WDR70: variants seen among roughly 807,000 people sequenced by gnomAD.
WDR70 encodes the protein WD repeat domain 70, also known as WD repeat-containing protein 70.
Under a neutral mutation model 88.6 loss-of-function variants are expected in WDR70, and 53 were observed. That is an observed-to-expected ratio of 0.60 (90% CI 0.48 to 0.75). The LOEUF is 0.75. WDR70 is among the 30% of genes least tolerant of loss of function. WDR70 has a pLI of 0.00. For synonymous variants in WDR70, 280 were observed against 270.0 expected (o/e 1.04, Z -0.36); for missense variants, 610 against 823.2 (o/e 0.74, Z 3.17).
chr5:37,673,675 A>G (rs1746103175), intron 10 of WDR70, among the ~76,000 whole-genome samples: 1 of 136,520 alleles, frequency 7.3e-6, no homozygotes, highest in African/African-American at 2.8e-5. Flanking sequence ...ATAGGTAAAT[A>G]TGTGCCATGG....
chr5:37,606,052 A>G (rs1660610375), intron 10 of WDR70, among the ~76,000 whole-genome samples: 1 of 152,202 alleles, frequency 6.6e-6, no homozygotes. Flanking sequence ...CTAGGCACTG[A>G]TAATACTTAT....
At chr5:37,543,994 A>G (rs533835971) in intron 9 of WDR70, among the ~76,000 whole-genome samples, 3 of 152,032 alleles carry the variant, frequency 2.0e-5, no homozygotes, top group South Asian at 4.2e-4. Context: ...CTGGTCTCGA[A>G]CTCCTGACGT....
intron 9 of WDR70, among the ~76,000 whole-genome samples, chr5:37,518,739 G>T (rs1561884621): frequency 6.6e-6 from 1 of 150,870 alleles, no homozygotes; most frequent in Non-Finnish European, 1.5e-5. Context: ...TCGGAGAGGG[G>T]GATGTGGCAG....
chr5:37,735,322 G>C (rs1378847856), intron 17 of WDR70, among the ~76,000 whole-genome samples: 1 of 152,134 alleles, frequency 6.6e-6, no homozygotes, highest in Non-Finnish European at 1.5e-5. Context: ...GTTTACAAAT[G>C]AATTCGTGCT....
intron 10 of WDR70, among the ~76,000 whole-genome samples, chr5:37,635,771 C>T (rs953012242): frequency 2.0e-5 from 3 of 152,132 alleles, no homozygotes; most frequent in African/African-American, 7.2e-5. Flanking sequence ...TTGGCTGTGT[C>T]CCCACCCAAA....
intron 9 of WDR70, among the ~76,000 whole-genome samples, chr5:37,534,016 G>A (rs1295632920): frequency 6.6e-6 from 1 of 152,110 alleles, no homozygotes; most frequent in Admixed American, 6.5e-5. Context: ...TACCTCAAAG[G>A]GTCTATGGAT....
chr5:37,572,936 A>C lies in WDR70; in HGVS notation c.918-32128A>C, dbSNP rs537133293. Among the ~76,000 whole-genome samples, 13 of 152,226 alleles carry C rather than the reference A, an allele frequency of 8.5e-5. No individual in the cohort carries two copies. The South Asian group carries it at 2.7e-3, about 32-fold the overall frequency. ...TAACTCTTTTTAATTCATCACAGCA[A>C]CTGATTTTCTTGTCCTCCAATAATT... On this transcript the variant is annotated intron_variant, in intron 9 of 17. Coordinates refer to ENST00000265107, the MANE Select transcript of WDR70 (RefSeq NM_018034.4).
intron 3 of WDR70, among the ~76,000 whole-genome samples, chr5:37,390,371 A>G (rs1040959824): frequency 5.0e-4 from 71 of 142,048 alleles, no homozygotes; most frequent in African/African-American, 1.8e-3. Flanking sequence ...ACCGAGTCTC[A>G]CTCAGTCGCC....
chr5:37,636,048 A>G (rs926664101), intron 10 of WDR70, among the ~76,000 whole-genome samples: 2 of 152,186 alleles, frequency 1.3e-5, no homozygotes, highest in Non-Finnish European at 2.9e-5. Context: ...CTGTAAGTCA[A>G]TTAAACCTCT....
At chr5:37,649,054 T>C (rs1395304693) in intron 10 of WDR70, among the ~76,000 whole-genome samples, 1 of 152,214 alleles carries the variant, frequency 6.6e-6, no homozygotes, top group African/African-American at 2.4e-5. Context: ...TGCCCAACTT[T>C]GTAAAATCAA....
Position 37,482,343 on chromosome 5 carries a change from G to C in WDR70, c.840+2356G>C, listed in dbSNP as rs567742180. Among the ~76,000 whole-genome samples the C allele has an allele frequency of 2.9e-3, 440 of 152,246 alleles. 3 individuals are homozygous for C. Among genetic ancestry groups the C allele is most frequent in the Non-Finnish European group, 4.9e-3 (335 of 68,016 alleles). The stretch of plus-strand genomic sequence containing the variant: ...GGGTAATTTATAAAGGAAAGAGGTT[G>C]AATTGACTCACAGTTCTGCATGGCT... On this transcript the variant is annotated intron_variant, in intron 8 of 17. Transcript: ENST00000265107.
intron 17 of WDR70, among the ~76,000 whole-genome samples, chr5:37,729,119 T>C (rs1181112868): frequency 6.6e-6 from 1 of 152,152 alleles, no homozygotes; most frequent in African/African-American, 2.4e-5. Flanking sequence ...CTCAAGCGCC[T>C]ATATATTTTT....
Position 37,422,956 on chromosome 5 carries a change from C to T in WDR70, c.493-14966C>T, listed in dbSNP as rs76735836. ...TGTGAAAACTTTCTTAAACAAAATG[C>T]GGGAATGTTGTGAAAAGTTTTTGAT... On this transcript the variant is annotated intron_variant, in intron 5 of 17. Transcript: ENST00000265107. 1.4e-3 allele frequency among the ~76,000 whole-genome samples: 207 copies of T among 152,068 alleles called. 1 individual carries two copies. Among genetic ancestry groups the T allele is most frequent in the African/African-American group, 4.7e-3 (194 of 41,482 alleles).
chr5:37,628,847 G>C (rs1422722709), intron 10 of WDR70, among the ~76,000 whole-genome samples: 1 of 151,982 alleles, frequency 6.6e-6, no homozygotes, highest in Non-Finnish European at 1.5e-5. Flanking sequence ...TCTTACTTTT[G>C]TATCAGCTCT....
intron 10 of WDR70, among the ~76,000 whole-genome samples, chr5:37,679,349 C>G (rs1350775572): frequency 6.6e-6 from 1 of 151,104 alleles, no homozygotes; most frequent in African/African-American, 2.4e-5. Context: ...TGTTTTTTCC[C>G]CATCTTTATG....
chr5:37,583,214 G>A (rs1743269397), intron 9 of WDR70, among the ~76,000 whole-genome samples: 1 of 152,064 alleles, frequency 6.6e-6, no homozygotes, highest in Non-Finnish European at 1.5e-5. Context: ...ATCACGAGGT[G>A]AGGAGACTGA....
At chr5:37,521,809 A>T (rs1449876460) in intron 9 of WDR70, among the ~76,000 whole-genome samples, 1 of 151,906 alleles carries the variant, frequency 6.6e-6, no homozygotes, top group South Asian at 2.1e-4. Flanking sequence ...TGCAATTGCA[A>T]ATTGTGACCC....
chr5:37,612,884 A>G (rs532542271), intron 10 of WDR70, among the ~76,000 whole-genome samples: 4 of 152,256 alleles, frequency 2.6e-5, no homozygotes, highest in East Asian at 1.9e-4. Context: ...GAACTATTCT[A>G]TAGTGCTTTA....
intron 9 of WDR70, among the ~76,000 whole-genome samples, chr5:37,601,323 T>G (rs1458113155): frequency 6.6e-6 from 1 of 152,246 alleles, no homozygotes; most frequent in African/African-American, 2.4e-5. Context: ...GGTAATCATA[T>G]TTATTGGTTT....
Sources: allele counts gnomAD v4.1 joint callset (sites outside exome capture counted in the v4.1 genomes callset), GRCh38; gene constraint gnomAD v4.1.1; transcripts MANE v1.5; gene names NCBI Gene and HGNC (gene_info 2026-07-23, HGNC 2026-07-21).